DOCK3: variants seen among roughly 807,000 people sequenced by gnomAD.
DOCK3 encodes the protein dedicator of cytokinesis protein 3.
Under a neutral mutation model 265.6 loss-of-function variants are expected in DOCK3, and 60 were observed. The observed-to-expected ratio is 0.23, with a 90% CI of 0.18 to 0.28. The LOEUF is 0.28. Among genes scored for constraint, DOCK3 ranks in the 10% least tolerant of loss-of-function variants. DOCK3 has a pLI of 1.00. For missense variants in DOCK3, 1,981 were observed against 2,594.3 expected (o/e 0.76, Z 5.14); for synonymous variants, 881 against 938.0 (o/e 0.94, Z 1.11).
At chr3:51,312,993 T>C (rs1247619032) in intron 31 of DOCK3, 91 bp downstream of exon 31, 2 of 1,240,476 alleles carry the variant, frequency 1.6e-6, no homozygotes, top group Admixed American at 2.0e-5. Context: ...GCTTTATGAA[T>C]GTTAATTCAG....
chr3:51,318,649 A>G (rs886902812), intron 32 of DOCK3, among the ~76,000 whole-genome samples: 3 of 152,052 alleles, frequency 2.0e-5, no homozygotes, highest in Admixed American at 6.6e-5. Flanking sequence ...ATTGTTCTAC[A>G]TGAACTTGAA....
At chr3:51,048,696 G>T (rs559495036) in intron 5 of DOCK3, among the ~76,000 whole-genome samples, 1 of 152,182 alleles carries the variant, frequency 6.6e-6, no homozygotes, top group South Asian at 2.1e-4. Context: ...GAATTTATAT[G>T]CTAGCAATAA....
chr3:51,133,226 A>G (rs1404745413), intron 9 of DOCK3, among the ~76,000 whole-genome samples: 1 of 151,968 alleles, frequency 6.6e-6, no homozygotes, highest in Non-Finnish European at 1.5e-5. Flanking sequence ...CAGGTTTGTT[A>G]CATATGTTAC....
chr3:50,842,992 C>T (rs910315164), intron 3 of DOCK3, among the ~76,000 whole-genome samples: 16 of 152,224 alleles, frequency 1.1e-4, no homozygotes, highest in Middle Eastern at 3.4e-3. Context: ...AGGATCAGCG[C>T]GTGGACTGTG....
At chr3:51,184,625 T>C (rs976234956) in intron 12 of DOCK3, among the ~76,000 whole-genome samples, 4 of 151,492 alleles carry the variant, frequency 2.6e-5, no homozygotes, top group African/African-American at 9.7e-5. Flanking sequence ...ATAAATATGA[T>C]GGAATAAATA....
intron 1 of DOCK3, among the ~76,000 whole-genome samples, chr3:50,711,005 G>A (rs1188256089): frequency 1.3e-5 from 2 of 152,124 alleles, no homozygotes; most frequent in Non-Finnish European, 2.9e-5. Context: ...ATTGGGCACC[G>A]CATACACTGG....
intron 22 of DOCK3, 26 bp from the exon 23 acceptor site, chr3:51,260,130 A>T (rs1281669883): frequency 6.2e-7 from 1 of 1,602,666 alleles, no homozygotes; most frequent in Non-Finnish European, 8.5e-7. Flanking sequence ...ACATCTCTCC[A>T]TCACTTTTTC....
At chr3:51,256,216 C>T (rs6445578) in intron 22 of DOCK3, among the ~76,000 whole-genome samples, 125,058 of 152,206 alleles carry the variant, frequency 0.82, 51,968 homozygotes, top group Middle Eastern at 0.9. Flanking sequence ...GCATCGCTCA[C>T]GCTGGGAGCT....
At chr3:51,224,367 C>T (rs1009536542) in intron 14 of DOCK3, among the ~76,000 whole-genome samples, 10 of 152,142 alleles carry the variant, frequency 6.6e-5, no homozygotes, top group Admixed American at 5.2e-4. Context: ...CAAATATGTG[C>T]CAGTCCTGGT....
At chr3:50,713,638 TTA>T (rs57074630) in intron 1 of DOCK3, among the ~76,000 whole-genome samples, 138 of 149,864 alleles carry the variant, frequency 9.2e-4, no homozygotes, top group Non-Finnish European at 1.3e-3. Context: ...GTCTGATAAA[TTA>T]TATATATATA....
At chr3:51,312,613 T>C (rs748834972) in intron 30 of DOCK3, 37 bp downstream of exon 30, 1 of 1,530,702 alleles carries the variant, frequency 6.5e-7, no homozygotes, top group Non-Finnish European at 8.8e-7. Flanking sequence ...CCTTACCACT[T>C]GGCCAAATAG....
intron 9 of DOCK3, among the ~76,000 whole-genome samples, chr3:51,129,358 T>G (rs1266792212): frequency 6.6e-6 from 1 of 152,146 alleles, no homozygotes; most frequent in Non-Finnish European, 1.5e-5. Context: ...TCTTCCTCTG[T>G]CAACTGATCC....
At chr3:50,888,187 A>G (rs941189112) in intron 3 of DOCK3, among the ~76,000 whole-genome samples, 3 of 152,284 alleles carry the variant, frequency 2.0e-5, no homozygotes, top group South Asian at 2.1e-4. Flanking sequence ...TCAATGTACA[A>G]AAATCACAAG....
chr3:51,037,239 C>T (rs1163726468), intron 5 of DOCK3, among the ~76,000 whole-genome samples: 1 of 152,002 alleles, frequency 6.6e-6, no homozygotes, highest in Non-Finnish European at 1.5e-5. Flanking sequence ...AAAACATTAA[C>T]AGTACTTTAG....
chr3:51,291,048 G>T (rs566175433), intron 27 of DOCK3, among the ~76,000 whole-genome samples: 1 of 152,306 alleles, frequency 6.6e-6, no homozygotes, highest in African/African-American at 2.4e-5. Flanking sequence ...CTGCACTCCA[G>T]CCTGGGCAAC....
At chr3:51,234,564 T>C (rs1444033409) in intron 19 of DOCK3, among the ~76,000 whole-genome samples, 2 of 152,244 alleles carry the variant, frequency 1.3e-5, no homozygotes, top group Non-Finnish European at 2.9e-5. Context: ...CATATCAGTT[T>C]ATTAACTTTT....
At chr3:50,994,354 A>G (rs1455749585) in intron 5 of DOCK3, among the ~76,000 whole-genome samples, 1 of 152,186 alleles carries the variant, frequency 6.6e-6, no homozygotes, top group East Asian at 1.9e-4. Context: ...ATCCTGTGAG[A>G]TAAGTATTGT....
intron 2 of DOCK3, among the ~76,000 whole-genome samples, chr3:50,840,123 T>A (rs2045745502): frequency 6.6e-6 from 1 of 152,140 alleles, no homozygotes. Flanking sequence ...TGGATAACAT[T>A]CCTTTATCAG....
chr3:51,327,591 A>T (rs2084218166), intron 32 of DOCK3, among the ~76,000 whole-genome samples: 1 of 150,448 alleles, frequency 6.6e-6, no homozygotes, highest in African/African-American at 2.4e-5. Context: ...CATGTTTCAG[A>T]TTTCTAGATT....
Sources: allele counts gnomAD v4.1 joint callset (sites outside exome capture counted in the v4.1 genomes callset), GRCh38; gene constraint gnomAD v4.1.1; transcripts MANE v1.5; gene names NCBI Gene and HGNC (gene_info 2026-07-23, HGNC 2026-07-21).